The following SAMMSON variants were observed in gnomAD, a reference collection of about 807,000 sequenced individuals.
The protein encoded by SAMMSON is survival associated mitochondrial melanoma specific oncogenic non-coding RNA, also known as long intergenic non-protein coding RNA 1212.
chr3:70,105,765 G>A (rs902424326), intron 4 of SAMMSON, among the ~76,000 whole-genome samples: 1 of 152,154 alleles, frequency 6.6e-6, no homozygotes, highest in Non-Finnish European at 1.5e-5. Context: ...AGCGTGGCAG[G>A]GAGACTATAT....
chr3:70,239,030 A>G (rs575433596), intron 4 of SAMMSON, among the ~76,000 whole-genome samples: 3 of 152,320 alleles, frequency 2.0e-5, no homozygotes, highest in South Asian at 4.1e-4. Context: ...GCCAAAAATG[A>G]TCTACAAAAA....
intron 4 of SAMMSON, among the ~76,000 whole-genome samples, chr3:70,173,232 CA>C (rs915764447): frequency 6.6e-5 from 10 of 151,986 alleles, no homozygotes; most frequent in African/African-American, 2.4e-4. Context: ...ACTGTTTCCT[CA>C]AACCATTTAT....
chr3:70,135,563 AG>A (rs2067502438), intron 4 of SAMMSON, among the ~76,000 whole-genome samples: 1 of 152,212 alleles, frequency 6.6e-6, no homozygotes, highest in Admixed American at 6.5e-5. Context: ...TTCTCATTAA[AG>A]TGATTGATGC....
intron 4 of SAMMSON, among the ~76,000 whole-genome samples, chr3:70,189,354 A>T (rs543964334): frequency 1.3e-5 from 2 of 152,312 alleles, no homozygotes; most frequent in African/African-American, 4.8e-5. Context: ...CATGACCAAT[A>T]ATATATACAC....
At chr3:70,010,932 G>A (rs946856923) in intron 1 of SAMMSON, among the ~76,000 whole-genome samples, 1 of 152,040 alleles carries the variant, frequency 6.6e-6, no homozygotes, top group Non-Finnish European at 1.5e-5. Context: ...ACAGCATGCA[G>A]GTGATGCTGT....
Position 70,266,213 on chromosome 3 carries a change from A to G in SAMMSON, n.674+16543A>G, listed in dbSNP as rs369163216. Reference sequence around the variant, plus strand: ...TTTATGTTTTTTTATTGAAGGAGGAACTTATTTTCAGCTTTGTATTTTTGT... The same window carrying G: ...TTTATGTTTTTTTATTGAAGGAGGAGCTTATTTTCAGCTTTGTATTTTTGT... On this transcript the variant is annotated intron_variant and non_coding_transcript_variant, in intron 6 of 9. Transcript: ENST00000642114. 1.6e-4 allele frequency among the ~76,000 whole-genome samples: 24 copies of G among 152,100 alleles called. No homozygotes were observed. In the South Asian group the frequency reaches 5.0e-3, roughly 32 times the overall value.
At chr3:70,382,378 T>C (rs1450337348) in intron 9 of SAMMSON, among the ~76,000 whole-genome samples, 2 of 152,100 alleles carry the variant, frequency 1.3e-5, no homozygotes, top group Non-Finnish European at 2.9e-5. Context: ...TCTTAAGCAC[T>C]CAGGTTACAT....
At chr3:70,096,699 C>T (rs1398347102) in intron 4 of SAMMSON, among the ~76,000 whole-genome samples, 1 of 152,148 alleles carries the variant, frequency 6.6e-6, no homozygotes, top group East Asian at 1.9e-4. Flanking sequence ...AGATGAGGGC[C>T]ACTGGGGGGT....
chr3:70,290,144 T>C (rs1702217455), intron 6 of SAMMSON, among the ~76,000 whole-genome samples: 1 of 152,138 alleles, frequency 6.6e-6, no homozygotes, highest in Admixed American at 6.5e-5. Flanking sequence ...CTCTGCTTTT[T>C]AGAGTTTCCA....
intron 4 of SAMMSON, among the ~76,000 whole-genome samples, chr3:70,210,338 A>C (rs1056336705): frequency 6.6e-6 from 1 of 151,940 alleles, no homozygotes; most frequent in Non-Finnish European, 1.5e-5. Context: ...TTATATTTTT[A>C]TTTTTTCTCA....
In SAMMSON at chr3:70,256,105, G is replaced by T. The variant is rs144585289; in HGVS notation, n.674+6435G>T. 4.5e-3 allele frequency among the ~76,000 whole-genome samples: 678 copies of T among 152,278 alleles called. 3 individuals are homozygous for T. The highest frequency in any genetic ancestry group is 6.8e-3 in the Non-Finnish European group (464 of 68,012). On this transcript the variant is annotated intron_variant and non_coding_transcript_variant, in intron 6 of 9. Transcript: ENST00000642114. ...TTCAGGGTTTTAGGTAATGGAGCAAGAACTAACAAGGTCAAATGATTTTAT... is the reference window on the plus strand; with the variant it reads ...TTCAGGGTTTTAGGTAATGGAGCAATAACTAACAAGGTCAAATGATTTTAT...
rs144525193 is a variant in SAMMSON at position 70,082,992 on chromosome 3, T to C, written n.507+11427T>C. 3.6e-3 allele frequency among the ~76,000 whole-genome samples: 546 copies of C among 152,312 alleles called. 1 individual carries two copies. The highest frequency in any genetic ancestry group is 0.012 in the African/African-American group (490 of 41,574). On this transcript the variant is annotated intron_variant and non_coding_transcript_variant, in intron 4 of 9. Transcript: ENST00000642114. ...CCAGACAGCCTGGCTGTAAGGTCTCTGTGTTTTGCTACTAATTCTTGATTT... is the reference window on the plus strand; with the variant it reads ...CCAGACAGCCTGGCTGTAAGGTCTCCGTGTTTTGCTACTAATTCTTGATTT...
intron 4 of SAMMSON, among the ~76,000 whole-genome samples, chr3:70,119,287 G>C (rs1169027935): frequency 1.3e-5 from 2 of 152,010 alleles, no homozygotes; most frequent in African/African-American, 4.8e-5. Context: ...GGCTGCTCTC[G>C]AACTCCTGAC....
chr3:70,175,285 C>T (rs1374106772), intron 4 of SAMMSON, among the ~76,000 whole-genome samples: 4 of 152,006 alleles, frequency 2.6e-5, no homozygotes, highest in Admixed American at 6.6e-5. Flanking sequence ...GAAAGAGTAC[C>T]TCTCCCCCTA....
chr3:70,173,417 G>T (rs1171171419), intron 4 of SAMMSON, among the ~76,000 whole-genome samples: 1 of 151,728 alleles, frequency 6.6e-6, no homozygotes, highest in African/African-American at 2.4e-5. Context: ...TTCAAATAAT[G>T]ATATAAAATT....
chr3:70,054,193 A>T (rs2067157764), intron 3 of SAMMSON, among the ~76,000 whole-genome samples: 1 of 152,116 alleles, frequency 6.6e-6, no homozygotes, highest in Non-Finnish European at 1.5e-5. Flanking sequence ...GAGCATTAAT[A>T]TCTTGCCCCA....
chr3:70,137,318 C>T (rs1000161716), intron 4 of SAMMSON, among the ~76,000 whole-genome samples: 4 of 152,152 alleles, frequency 2.6e-5, no homozygotes, highest in Non-Finnish European at 5.9e-5. Flanking sequence ...AAGAGGTTAG[C>T]AAACTATGAC....
intron 9 of SAMMSON, among the ~76,000 whole-genome samples, chr3:70,364,252 T>A (rs1430296563): frequency 6.6e-6 from 1 of 151,900 alleles, no homozygotes; most frequent in Non-Finnish European, 1.5e-5. Flanking sequence ...GTTTCATCAA[T>A]AAAGGTTCAT....
rs1701258506 is a variant in SAMMSON, at chr3:70,203,255, C to T, written n.508-45852C>T. ...TAATATGTTATCACAGAGAATTCAG[C>T]ATCATAATGAGATTCATGACACAAT... On this transcript the variant is annotated intron_variant and non_coding_transcript_variant, in intron 4 of 9. Coordinates refer to ENST00000642114, the Ensembl canonical transcript of SAMMSON. Among the ~76,000 whole-genome samples, 4 of 152,102 alleles carry T rather than the reference C, an allele frequency of 2.6e-5. No individual in the cohort carries two copies. In the South Asian group the frequency reaches 8.3e-4, roughly 32 times the overall value.
Sources: gnomAD v4.1 joint callset for allele counts (sites outside exome capture counted in the v4.1 genomes callset) on GRCh38, gnomAD v4.1.1 for gene constraint, MANE v1.5 for transcripts, NCBI Gene and HGNC (gene_info 2026-07-23, HGNC 2026-07-21) for gene names.